Variants in DOCK1 observed in about 807,000 individuals in gnomAD.
The protein encoded by DOCK1 is dedicator of cytokinesis protein 1.
DOCK1 carries 138 observed loss-of-function variants against 262.7 expected under a neutral mutation model. That is an observed-to-expected ratio of 0.53 (90% CI 0.46 to 0.61). The LOEUF is 0.61. Ranked by LOEUF, DOCK1 falls within the 20% of genes least tolerant of loss-of-function variation. The probability of loss-of-function intolerance (pLI) is 0.00; values close to 1 mark genes in which losing one functional copy is unlikely to be tolerated. For synonymous variants in DOCK1, 866 were observed against 867.4 expected (o/e 1.00, Z 0.03); for missense variants, 1,908 against 2,370.7 (o/e 0.80, Z 4.05).
At chr10:127,319,459 G>T (rs1272576458) in intron 29 of DOCK1, among the ~76,000 whole-genome samples, 1 of 152,140 alleles carries the variant, frequency 6.6e-6, no homozygotes, top group Admixed American at 6.5e-5. Flanking sequence ...AGCACTTCCC[G>T]CATGTGTTTA....
chr10:127,259,807 T>TTTTTTTC (rs1491444832), intron 29 of DOCK1, among the ~76,000 whole-genome samples: 5 of 144,520 alleles, frequency 3.5e-5, no homozygotes, highest in Non-Finnish European at 7.6e-5. Flanking sequence ...TTTTTTTTTT[T>TTTTTTTC]ATAATTGAGA....
intron 8 of DOCK1, chr10:126,998,576 A>G (rs2040372915): frequency 4.9e-6 from 1 of 206,120 alleles, no homozygotes; most frequent in South Asian, 1.4e-4. Flanking sequence ...GATTTTATAT[A>G]TCCTGGTCCC....
At chr10:127,119,537 G>A (rs1192817460) in intron 25 of DOCK1, among the ~76,000 whole-genome samples, 1 of 152,174 alleles carries the variant, frequency 6.6e-6, no homozygotes, top group Non-Finnish European at 1.5e-5. Context: ...AGGAAAGCAC[G>A]TGAACATGTT....
chr10:127,151,606 G>C (rs2052492127), intron 27 of DOCK1, among the ~76,000 whole-genome samples: 1 of 152,160 alleles, frequency 6.6e-6, no homozygotes, highest in South Asian at 2.1e-4. Flanking sequence ...TCTCTATTCA[G>C]TTTCTGAAGA....
intron 12 of DOCK1, among the ~76,000 whole-genome samples, chr10:127,017,134 TACAC>T (rs1157394861): frequency 1.5e-4 from 8 of 52,572 alleles, no homozygotes; most frequent in African/African-American, 6.0e-4. Flanking sequence ...AAAACAGACA[TACAC>T]ACACAGATAC....
chr10:127,272,675 A>G (rs141664947), intron 29 of DOCK1, among the ~76,000 whole-genome samples: 92 of 152,318 alleles, frequency 6.0e-4, no homozygotes, highest in East Asian at 7.7e-4. Flanking sequence ...GCACCCCTGC[A>G]TTAGTCCGTG....
intron 4 of DOCK1, among the ~76,000 whole-genome samples, chr10:126,985,651 C>T (rs1022593634): frequency 6.6e-5 from 10 of 152,138 alleles, no homozygotes; most frequent in African/African-American, 2.2e-4. Flanking sequence ...ACAGCCCAGT[C>T]GTTGTTGCAG....
intron 1 of DOCK1, among the ~76,000 whole-genome samples, chr10:126,955,446 T>A (rs1163969089): frequency 6.6e-6 from 1 of 152,194 alleles, no homozygotes; most frequent in East Asian, 1.9e-4. Context: ...CAAAGGCCTT[T>A]ACATTTTCAT....
At chr10:127,058,423 T>C (rs940628149) in intron 22 of DOCK1, among the ~76,000 whole-genome samples, 2 of 151,980 alleles carry the variant, frequency 1.3e-5, no homozygotes, top group African/African-American at 2.4e-5. Context: ...GTGTGCCTCT[T>C]ATAATACAAC....
chr10:127,445,057 C>A (rs10830064), intron 50 of DOCK1, among the ~76,000 whole-genome samples: 1 of 151,652 alleles, frequency 6.6e-6, no homozygotes, highest in Non-Finnish European at 1.5e-5. Flanking sequence ...CTGCAAAGAC[C>A]CTACATCCAA....
intron 48 of DOCK1, among the ~76,000 whole-genome samples, chr10:127,438,348 C>A (rs942332087): frequency 2.3e-4 from 35 of 152,224 alleles, no homozygotes; most frequent in Admixed American, 2.2e-3. Flanking sequence ...GTCTTTACAG[C>A]AACTGTGGGG....
intron 25 of DOCK1, among the ~76,000 whole-genome samples, chr10:127,119,830 G>A (rs139823977): frequency 5.0e-4 from 76 of 152,340 alleles, no homozygotes; most frequent in Non-Finnish European, 8.4e-4. Context: ...TTGCTTTAAT[G>A]TAGAGCTGTA....
chr10:126,986,321 G>A (rs927088166), intron 4 of DOCK1, among the ~76,000 whole-genome samples: 4 of 141,910 alleles, frequency 2.8e-5, no homozygotes, highest in East Asian at 2.0e-4. Flanking sequence ...ATCTCCAATC[G>A]TGAGCCAGTC....
At chr10:126,983,801 A>G (rs1267685655) in intron 4 of DOCK1, among the ~76,000 whole-genome samples, 1 of 152,128 alleles carries the variant, frequency 6.6e-6, no homozygotes. Context: ...TGATTACTCT[A>G]TGCCTGTTAC....
chr10:127,442,848 C>T (rs951029055), intron 49 of DOCK1, among the ~76,000 whole-genome samples: 1 of 152,198 alleles, frequency 6.6e-6, no homozygotes, highest in African/African-American at 2.4e-5. Flanking sequence ...TGGCTATCTG[C>T]ATGTCTTGCA....
intron 27 of DOCK1, among the ~76,000 whole-genome samples, chr10:127,223,109 G>A (rs2058503668): frequency 6.6e-6 from 1 of 152,120 alleles, no homozygotes; most frequent in African/African-American, 2.4e-5. Context: ...GTGTTACCAT[G>A]TCACAGTGGT....
rs1327277873 is a variant in DOCK1 at position 126,947,835 on chromosome 10, CTGT to C, written c.47-22861_47-22859del. 4.1e-3 allele frequency among the ~76,000 whole-genome samples: 57 copies of C among 13,926 alleles called. 3 individuals are homozygous for C. Among genetic ancestry groups the C allele is most frequent in the South Asian group, 0.013 (5 of 378 alleles). 9.1% of individuals were successfully genotyped at this position (13,926 alleles called of 152,430 possible). A position where few individuals can be genotyped will look rare whatever the true frequency, so the allele number is the denominator to read the frequency against. On this transcript the variant is annotated intron_variant, in intron 1 of 51. Transcript: ENST00000623213. ...GTGGTGGTGGTGGTTGGTAGTATTACTGTTGTTGGTGATGGTGGTGGTTGGTAG... is the reference window on the plus strand; with the variant it reads ...GTGGTGGTGGTGGTTGGTAGTATTACTGTTGGTGATGGTGGTGGTTGGTAG...
chr10:126,934,136 A>AG (rs1180093632), intron 1 of DOCK1, among the ~76,000 whole-genome samples: 6 of 151,808 alleles, frequency 4.0e-5, no homozygotes, highest in African/African-American at 1.5e-4. Flanking sequence ...CTTAAAACTC[A>AG]GATTTTTTTT....
chr10:127,127,616 T>A, intron 26 of DOCK1, 53 bp from the exon 27 acceptor site: 2 of 1,422,716 alleles, frequency 1.4e-6, no homozygotes, highest in Non-Finnish European at 9.9e-7. Flanking sequence ...CCACTGGGGC[T>A]TGCATGTTAA....
Sources: allele counts gnomAD v4.1 joint callset (sites outside exome capture counted in the v4.1 genomes callset), GRCh38; gene constraint gnomAD v4.1.1; transcripts MANE v1.5; gene names NCBI Gene and HGNC (gene_info 2026-07-23, HGNC 2026-07-21).